The following LIN52 variants were observed in gnomAD, a reference collection of about 807,000 sequenced individuals.
LIN52 encodes the protein protein lin-52 homolog.
In LIN52, 4 loss-of-function variants were observed where a neutral mutation model predicts 18.5. That is an observed-to-expected ratio of 0.22 (90% confidence interval 0.11 to 0.49). The LOEUF (loss-of-function observed/expected upper bound fraction) is 0.49, where lower values mean the gene tolerates loss of function less well. Ranked by LOEUF, LIN52 falls within the 20% of genes least tolerant of loss-of-function variation. The pLI is 0.97. For synonymous variants in LIN52, 34 were observed against 45.5 expected, an observed-to-expected ratio of 0.75 and a Z score of 1.02; for missense variants, 102 against 139.5, an observed-to-expected ratio of 0.73 and a Z score of 1.35.
intron 5 of LIN52, among the ~76,000 whole-genome samples, chr14:74,127,556 C>T (rs116243914): frequency 0.032 from 4,857 of 152,180 alleles, 199 homozygotes; most frequent in African/African-American, 0.095. Context: ...AGGCTTTAAG[C>T]AAACAATATT....
At chr14:74,179,688 A>AG (rs2061309596) in intron 5 of LIN52, among the ~76,000 whole-genome samples, 1 of 147,928 alleles carries the variant, frequency 6.8e-6, no homozygotes, top group Non-Finnish European at 1.5e-5. Context: ...AGAAAAAAAA[A>AG]TCTAATTCTT....
intron 5 of LIN52, among the ~76,000 whole-genome samples, chr14:74,154,905 C>G (rs1285102042): frequency 2.6e-5 from 4 of 152,210 alleles, no homozygotes; most frequent in African/African-American, 7.2e-5. Flanking sequence ...GTCCTCAATT[C>G]TACTCCATTA....
chr14:74,130,367 T>G (rs1250660801), intron 5 of LIN52, among the ~76,000 whole-genome samples: 1 of 139,404 alleles, frequency 7.2e-6, no homozygotes, highest in Non-Finnish European at 1.5e-5. Context: ...AACTTCTGCC[T>G]CCTGGGTTCA....
chr14:74,109,196 G>A (rs1417238433), intron 5 of LIN52, among the ~76,000 whole-genome samples: 1 of 152,174 alleles, frequency 6.6e-6, no homozygotes. Flanking sequence ...TAAAAAATCA[G>A]TTGGCAGCCA....
rs554661411 is a variant in LIN52 at position 74,118,057 on chromosome 14, A to G, written c.283+16819A>G. On this transcript the variant is annotated intron_variant, in intron 5 of 5. Transcript: ENST00000555028. ...GGATAACGGTAAAGACGTCCTTTCA[A>G]TGGAGAGTTGAATCTGATAGGTTGA... 8.5e-5 allele frequency among the ~76,000 whole-genome samples: 13 copies of G among 152,318 alleles called. No homozygotes were observed. The East Asian group carries it at 2.5e-3, about 29-fold the overall frequency.
chr14:74,187,305 T>A (rs1367966559), intron 5 of LIN52, among the ~76,000 whole-genome samples: 1 of 152,198 alleles, frequency 6.6e-6, no homozygotes, highest in Non-Finnish European at 1.5e-5. Flanking sequence ...TGTATTGCAT[T>A]GCCTCTCTTA....
chr14:74,108,964 T>C (rs896128325), intron 5 of LIN52, among the ~76,000 whole-genome samples: 2 of 152,236 alleles, frequency 1.3e-5, no homozygotes, highest in African/African-American at 4.8e-5. Flanking sequence ...TCCTACCTGA[T>C]AAACCATTGC....
chr14:74,115,071 T>C (rs1049271463), intron 5 of LIN52, among the ~76,000 whole-genome samples: 1 of 152,228 alleles, frequency 6.6e-6, no homozygotes, highest in African/African-American at 2.4e-5. Flanking sequence ...GTAACAGGAA[T>C]TGGTCCAAAA....
rs888468713 is a variant in LIN52 at position 74,199,145 on chromosome 14, G to A, written c.*168G>A. Reference sequence around the variant, plus strand: ...TCTACACGTCTGAGGACATTCAGCAGCAAGAGAAGAATCTGCTCTACCCAA... The same window carrying A: ...TCTACACGTCTGAGGACATTCAGCAACAAGAGAAGAATCTGCTCTACCCAA... On this transcript the variant is annotated 3_prime_UTR_variant, in exon 6 of 6. Coordinates refer to ENST00000555028, the MANE Select transcript of LIN52 (RefSeq NM_001024674.3). The A allele has an allele frequency of 5.4e-5, 29 of 539,890 alleles. No individual in the cohort carries two copies. The highest frequency in any genetic ancestry group is 1.1e-4 in the African/African-American group (6 of 52,362). The allele number at this position is 539,890 out of a possible 1,614,324, so 33.4% of individuals were successfully genotyped here. A position where few individuals can be genotyped will look rare whatever the true frequency, so the allele number is the denominator to read the frequency against.
At chr14:74,115,113 A>T (rs1346354996) in intron 5 of LIN52, among the ~76,000 whole-genome samples, 5 of 152,236 alleles carry the variant, frequency 3.3e-5, no homozygotes, top group African/African-American at 1.2e-4. Flanking sequence ...TAAATAAGCG[A>T]CATTGGATTA....
At chr14:74,095,292 G>C (rs1174868620) in intron 2 of LIN52, among the ~76,000 whole-genome samples, 1 of 149,186 alleles carries the variant, frequency 6.7e-6, no homozygotes, top group African/African-American at 2.5e-5. Context: ...ACATCACTAC[G>C]CCTGGCTAAA....
At chr14:74,156,304 G>A (rs1321940037) in intron 5 of LIN52, among the ~76,000 whole-genome samples, 1 of 151,778 alleles carries the variant, frequency 6.6e-6, no homozygotes, top group Non-Finnish European at 1.5e-5. Flanking sequence ...GCCCAGTATT[G>A]TTTTTTTTAG....
At chr14:74,178,872 G>A (rs567905803) in intron 5 of LIN52, among the ~76,000 whole-genome samples, 2 of 152,070 alleles carry the variant, frequency 1.3e-5, no homozygotes, top group South Asian at 2.1e-4. Context: ...CTTGAGGCCA[G>A]GAGTTCAGGA....
chr14:74,126,074 G>A (rs2061028653), intron 5 of LIN52, among the ~76,000 whole-genome samples: 1 of 149,380 alleles, frequency 6.7e-6, no homozygotes, highest in Non-Finnish European at 1.5e-5. Context: ...GACTTGACTA[G>A]ACATTGCTCC....
At chr14:74,154,318 A>G (rs1044031742) in intron 5 of LIN52, among the ~76,000 whole-genome samples, 1 of 152,150 alleles carries the variant, frequency 6.6e-6, no homozygotes, top group Non-Finnish European at 1.5e-5. Context: ...TTTCATAATT[A>G]TGGTTTGCCT....
intron 5 of LIN52, among the ~76,000 whole-genome samples, chr14:74,176,392 A>T (rs2061294749): frequency 6.6e-6 from 1 of 151,996 alleles, no homozygotes; most frequent in South Asian, 2.1e-4. Flanking sequence ...GATTACAGAC[A>T]TGAGCCACTG....
chr14:74,112,127 A>G (rs538128018), intron 5 of LIN52, among the ~76,000 whole-genome samples: 1 of 151,976 alleles, frequency 6.6e-6, no homozygotes, highest in African/African-American at 2.4e-5. Context: ...TGATCCGCCC[A>G]CCTCGGCCTC....
chr14:74,170,909 T>A (rs2061267293), intron 5 of LIN52, among the ~76,000 whole-genome samples: 1 of 150,922 alleles, frequency 6.6e-6, no homozygotes, highest in South Asian at 2.1e-4. Flanking sequence ...ATCCCAGGCA[T>A]GGTGGTTCAC....
intron 1 of LIN52, among the ~76,000 whole-genome samples, chr14:74,088,073 C>T (rs1046765419): frequency 6.6e-6 from 1 of 152,076 alleles, no homozygotes; most frequent in Admixed American, 6.6e-5. Flanking sequence ...CCACCATGCC[C>T]AGCTAATTTA....
Sources: allele counts gnomAD v4.1 joint callset (sites outside exome capture counted in the v4.1 genomes callset), GRCh38; gene constraint gnomAD v4.1.1; transcripts MANE v1.5; gene names NCBI Gene and HGNC (gene_info 2026-07-23, HGNC 2026-07-21).